COL10A1: variants seen among roughly 807,000 people sequenced by gnomAD.
The protein encoded by COL10A1 is collagen type X alpha 1 chain.
Under a neutral mutation model 18.2 loss-of-function variants are expected in COL10A1, and 10 were observed. That is an observed-to-expected ratio of 0.55 (90% CI 0.34 to 0.93). The LOEUF (loss-of-function observed/expected upper bound fraction) is 0.93. COL10A1 is among the 40% of genes least tolerant of loss of function. The pLI, the probability that COL10A1 is intolerant of heterozygous loss-of-function variation, is 0.02. For synonymous variants in COL10A1, 330 were observed against 316.6 expected, an observed-to-expected ratio of 1.04 and a Z score of -0.45; for missense variants, 897 against 853.5, an observed-to-expected ratio of 1.05 and a Z score of -0.64.
the COL10A1 span, among the ~76,000 whole-genome samples, chr6:116,172,564 C>T: frequency 6.6e-6 from 1 of 152,098 alleles, no homozygotes; most frequent in Non-Finnish European, 1.5e-5. Context: ...CCCTGATCCA[C>T]CCACTTCAGC....
At chr6:116,132,275 G>A (rs1339708038) in intron 1 of COL10A1, among the ~76,000 whole-genome samples, 1 of 152,106 alleles carries the variant, frequency 6.6e-6, no homozygotes, top group Non-Finnish European at 1.5e-5. Context: ...GTCCACCTTA[G>A]AGGTGAAAAT....
chr6:116,132,473 GT>G (rs571997614), intron 1 of COL10A1, among the ~76,000 whole-genome samples: 174 of 147,912 alleles, frequency 1.2e-3, no homozygotes, highest in African/African-American at 3.6e-3. Flanking sequence ...TTGCTTATGA[GT>G]TTTTTTTTTC....
At chr6:116,185,790 G>A in the COL10A1 span, among the ~76,000 whole-genome samples, 1 of 152,040 alleles carries the variant, frequency 6.6e-6, no homozygotes, top group African/African-American at 2.4e-5. Flanking sequence ...GAAGACAGCA[G>A]ATACTTGGTT....
upstream of COL10A1, among the ~76,000 whole-genome samples, chr6:116,126,563 T>C (rs976728360): frequency 2.0e-5 from 3 of 152,188 alleles, no homozygotes; most frequent in Admixed American, 6.5e-5. Context: ...TATTGAGTTA[T>C]TACATAAAGT....
chr6:116,184,498 T>C, the COL10A1 span, among the ~76,000 whole-genome samples: 1 of 152,138 alleles, frequency 6.6e-6, no homozygotes, highest in African/African-American at 2.4e-5. Flanking sequence ...AGCATTCAGC[T>C]ATGAATCCGT....
intron 1 of COL10A1, among the ~76,000 whole-genome samples, chr6:116,154,174 T>G (rs1407157441): frequency 4.6e-5 from 7 of 152,148 alleles, no homozygotes. Flanking sequence ...AGTCTATTGA[T>G]TTTACTTTTG....
chr6:116,158,247 T>G (rs1239065881), intron 1 of COL10A1, among the ~76,000 whole-genome samples: 1 of 81,686 alleles, frequency 1.2e-5, no homozygotes, highest in Non-Finnish European at 2.7e-5. Flanking sequence ...AGTAGTTTAG[T>G]GTGCTACCTC....
At chr6:116,162,846 C>A (rs778504371), upstream of COL10A1, among the ~76,000 whole-genome samples, 1 of 151,892 alleles carries the variant, frequency 6.6e-6, no homozygotes, top group African/African-American at 2.4e-5. Flanking sequence ...ATTTTTAGGC[C>A]GGGCACAGTG....
chr6:116,168,536 A>G, the COL10A1 span, among the ~76,000 whole-genome samples: 2 of 152,236 alleles, frequency 1.3e-5, no homozygotes, highest in Admixed American at 6.5e-5. Context: ...TCTTTATACC[A>G]TAGGAGCTTC....
the COL10A1 span, among the ~76,000 whole-genome samples, chr6:116,165,098 G>GGAA: frequency 3.0e-3 from 300 of 101,044 alleles, 2 homozygotes; most frequent in African/African-American, 0.011. Flanking sequence ...CTCCGTCTCA[G>GGAA]AAAAAAAAAA....
chr6:116,176,869 T>A, the COL10A1 span, among the ~76,000 whole-genome samples: 1 of 152,206 alleles, frequency 6.6e-6, no homozygotes, highest in Non-Finnish European at 1.5e-5. Flanking sequence ...CCTGTGATCT[T>A]CTCACTTCTC....
the COL10A1 span, among the ~76,000 whole-genome samples, chr6:116,202,067 G>A: frequency 6.6e-6 from 1 of 151,936 alleles, no homozygotes; most frequent in African/African-American, 2.4e-5. Context: ...TGGCTACCGA[G>A]CACTTGAAAT....
chr6:116,183,313 C>T, the COL10A1 span, among the ~76,000 whole-genome samples: 424 of 152,078 alleles, frequency 2.8e-3, 1 homozygote, highest in Non-Finnish European at 5.1e-3. Flanking sequence ...AATGTGATGC[C>T]TCCAGATTTG....
chr6:116,137,650 C>A, intron 1 of COL10A1: 1 of 196,990 alleles, frequency 5.1e-6, no homozygotes, highest in East Asian at 1.2e-4. Flanking sequence ...TTCTTTATCC[C>A]TTCAGCCATC....
At chr6:116,213,181 G>A in the COL10A1 span, among the ~76,000 whole-genome samples, 38 of 152,170 alleles carry the variant, frequency 2.5e-4, 1 homozygote, top group South Asian at 7.5e-3. Flanking sequence ...GCTTCTAAAC[G>A]TGGGGGTCTC....
rs779339623 is a variant in COL10A1 at position 116,121,816 on chromosome 6, C to T, written c.300G>A (p.Pro100=). Residue 100 remains proline, a synonymous_variant, in exon 3 of 3, where the codon CCG becomes CCA. Transcript: ENST00000651968. The part of the protein sequence containing the change: ...LQGEPGLPGP[P]GPSAVGKPGV... Reference sequence around the variant, plus strand: ...CTGGTTTCCCTACAGCTGATGGTCCCGGTGGTCCTGGCAACCCTGGCTCTC... The same window carrying T: ...CTGGTTTCCCTACAGCTGATGGTCCTGGTGGTCCTGGCAACCCTGGCTCTC... 9.9e-5 allele frequency: 160 copies of T among 1,613,824 alleles called. 3 individuals are homozygous for T. The South Asian group carries it at 1.5e-3, about 15-fold the overall frequency.
intron 1 of COL10A1, among the ~76,000 whole-genome samples, chr6:116,136,587 C>T (rs536038555): frequency 5.3e-5 from 8 of 152,066 alleles, no homozygotes; most frequent in Non-Finnish European, 1.2e-4. Flanking sequence ...CCACATAACA[C>T]TTACTATAAA....
the COL10A1 span, among the ~76,000 whole-genome samples, chr6:116,205,989 T>C: frequency 1.3e-5 from 2 of 151,998 alleles, no homozygotes; most frequent in African/African-American, 4.8e-5. Flanking sequence ...CTCAGTCCTT[T>C]GAGAATGATC....
At chr6:116,216,143 ATGACAT>A in the COL10A1 span, among the ~76,000 whole-genome samples, 1 of 152,072 alleles carries the variant, frequency 6.6e-6, no homozygotes, top group African/African-American at 2.4e-5. Flanking sequence ...ATCAACCACA[ATGACAT>A]TTAAGATAAT....
Sources: gnomAD v4.1 joint callset for allele counts (sites outside exome capture counted in the v4.1 genomes callset) on GRCh38, gnomAD v4.1.1 for gene constraint, MANE v1.5 for transcripts, NCBI Gene and HGNC (gene_info 2026-07-23, HGNC 2026-07-21) for gene names.